The following MCTP2 variants were observed in gnomAD, a reference collection of about 807,000 sequenced individuals.
MCTP2 encodes multiple C2 and transmembrane domain containing 2, also known as multiple C2 and transmembrane domain-containing protein 2.
MCTP2 carries 132 observed loss-of-function variants against 111.6 expected under a neutral mutation model. The observed-to-expected ratio is 1.18, with a 90% CI of 1.03 to 1.37. The LOEUF is 1.37. Ranked by LOEUF, MCTP2 falls within the 40% of genes most tolerant of loss-of-function variation. The probability of loss-of-function intolerance (pLI) is 0.00; values close to 1 mark genes in which losing one functional copy is unlikely to be tolerated. For missense variants in MCTP2, 1,183 were observed against 1,067.9 expected (o/e 1.11, Z -1.50); for synonymous variants, 395 against 387.7 (o/e 1.02, Z -0.22).
Position 94,339,351 on chromosome 15 carries a change from C to G in MCTP2, c.699C>G (p.Val233=). 6.2e-7 allele frequency: 1 copy of G among 1,611,490 alleles called. No individual in the cohort carries two copies. The highest frequency in any genetic ancestry group is 8.5e-7 in the Non-Finnish European group (1 of 1,178,256). ...LNGKTLYKSK[V]IYKNLNPVWD... ...GGAAGACGCTGTACAAAAGTAAAGT[C>G]ATATATAAGAACTTGAACCCAGTAT... is the stretch of plus-strand genomic sequence containing the variant. The change falls in exon 5 of 23, where the codon GTC becomes GTG. Residue 233 remains valine, a synonymous_variant. Transcript: ENST00000357742.
chr15:94,457,413 T>A (rs2084899838), intron 19 of MCTP2, among the ~76,000 whole-genome samples: 1 of 152,230 alleles, frequency 6.6e-6, no homozygotes, highest in South Asian at 2.1e-4. Flanking sequence ...TTTAGAAAGC[T>A]GAATTCCATT....
At chr15:94,266,706 T>G (rs1234139424) in intron 1 of MCTP2, among the ~76,000 whole-genome samples, 1 of 152,168 alleles carries the variant, frequency 6.6e-6, no homozygotes, top group Non-Finnish European at 1.5e-5. Context: ...AGAATGTGTT[T>G]CACTGAAAGG....
chr15:94,376,930 T>C (rs528325272), intron 12 of MCTP2, among the ~76,000 whole-genome samples: 1 of 152,346 alleles, frequency 6.6e-6, no homozygotes, highest in African/African-American at 2.4e-5. Context: ...TTTTTGTTGT[T>C]GTTGTTATAC....
Position 94,430,368 on chromosome 15 carries a change from A to G in MCTP2, c.2086-9808A>G, listed in dbSNP as rs183104983. 2.3e-3 allele frequency among the ~76,000 whole-genome samples: 336 copies of G among 148,438 alleles called. 2 individuals carry two copies. The highest frequency in any genetic ancestry group is 8.1e-3 in the African/African-American group (326 of 40,106). On this transcript the variant is annotated intron_variant, in intron 17 of 22. Coordinates refer to ENST00000357742, the MANE Select transcript of MCTP2 (RefSeq NM_001385001.1). ...GTCCATGCTGCCTTTTTAAAAAAAA[A>G]CAAACAAAAAAAACCCAAAAACAAT... is the stretch of plus-strand genomic sequence containing the variant.
intron 1 of MCTP2, among the ~76,000 whole-genome samples, chr15:94,236,500 C>T (rs904522153): frequency 2.8e-5 from 4 of 144,230 alleles, no homozygotes; most frequent in Admixed American, 7.3e-5. Context: ...GGTTTGCTCT[C>T]GGGTATAAAC....
intron 17 of MCTP2, among the ~76,000 whole-genome samples, chr15:94,429,548 A>G (rs771516436): frequency 5.3e-4 from 80 of 151,980 alleles, no homozygotes; most frequent in Non-Finnish European, 1.5e-4. Context: ...TACTTTATCT[A>G]TTTTCAAGAA....
At chr15:94,274,251 G>A (rs2074066334) in intron 1 of MCTP2, among the ~76,000 whole-genome samples, 3 of 152,048 alleles carry the variant, frequency 2.0e-5, no homozygotes, top group African/African-American at 7.2e-5. Context: ...TACAACTTGT[G>A]GAATGCAACT....
intron 1 of MCTP2, among the ~76,000 whole-genome samples, chr15:94,251,055 G>A (rs1404202609): frequency 6.6e-6 from 1 of 152,172 alleles, no homozygotes; most frequent in Non-Finnish European, 1.5e-5. Flanking sequence ...GATTGGCAGT[G>A]TATAAAATGT....
intron 17 of MCTP2, among the ~76,000 whole-genome samples, chr15:94,407,950 C>T (rs1416497688): frequency 6.6e-6 from 1 of 152,068 alleles, no homozygotes; most frequent in African/African-American, 2.4e-5. Flanking sequence ...TCTCTGTGGA[C>T]CGAAAAACAT....
At chr15:94,389,974 A>C (rs1259177939) in intron 14 of MCTP2, among the ~76,000 whole-genome samples, 2 of 150,788 alleles carry the variant, frequency 1.3e-5, no homozygotes, top group African/African-American at 4.9e-5. Context: ...CTTTTTAATC[A>C]AGGTGAATGT....
At chr15:94,421,939 A>G (rs2082647307) in intron 17 of MCTP2, among the ~76,000 whole-genome samples, 1 of 152,144 alleles carries the variant, frequency 6.6e-6, no homozygotes, top group Non-Finnish European at 1.5e-5. Flanking sequence ...TTCCTGAAGG[A>G]TAAGGATTTC....
In MCTP2 at chr15:94,245,486, A is replaced by G. The variant is rs538599663; in HGVS notation, c.-66+13822A>G. 1.2e-4 allele frequency among the ~76,000 whole-genome samples: 17 copies of G among 141,014 alleles called. No individual in the cohort carries two copies. In the South Asian group the frequency reaches 1.8e-3, roughly 15 times the overall value. 92.5% of individuals were successfully genotyped at this position (141,014 alleles called of 152,430 possible). On this transcript the variant is annotated intron_variant, in intron 1 of 22. Transcript: ENST00000357742. ...TATATACATATATGTATATATACATACATGTATGTATTTATATATGTATAC... is the reference window on the plus strand; with the variant it reads ...TATATACATATATGTATATATACATGCATGTATGTATTTATATATGTATAC...
At chr15:94,466,693 TATTTGGCAGA>T (rs987283005) in intron 20 of MCTP2, among the ~76,000 whole-genome samples, 105 of 152,248 alleles carry the variant, frequency 6.9e-4, no homozygotes, top group African/African-American at 2.4e-3. Flanking sequence ...AGAATCCCAA[TATTTGGCAGA>T]AAATATTAGA....
intron 17 of MCTP2, among the ~76,000 whole-genome samples, chr15:94,429,135 AC>A (rs1441821262): frequency 6.8e-6 from 1 of 148,114 alleles, no homozygotes; most frequent in Admixed American, 6.7e-5. Context: ...CTATCCCCCT[AC>A]CGACGTCTAT....
chr15:94,378,840 C>A (rs996909294), intron 12 of MCTP2, among the ~76,000 whole-genome samples: 6 of 152,132 alleles, frequency 3.9e-5, no homozygotes, highest in African/African-American at 1.4e-4. Flanking sequence ...GAACAGAGAT[C>A]AACATTTCAT....
chr15:94,428,246 C>G lies in MCTP2; in HGVS notation c.2086-11930C>G, dbSNP rs554869721. Among the ~76,000 whole-genome samples, 100 of 152,262 alleles carry G rather than the reference C, an allele frequency of 6.6e-4. 1 individual carries two copies. The highest frequency in any genetic ancestry group is 4.8e-3 in the South Asian group (23 of 4,822). ...TTTCTGAAAATGTCTCTGCTTCACT[C>G]TCCTTTAAAGATAATTTGTGACATA... On this transcript the variant is annotated intron_variant, in intron 17 of 22. Coordinates refer to ENST00000357742, the MANE Select transcript of MCTP2 (RefSeq NM_001385001.1).
chr15:94,446,819 T>A (rs1294662992), intron 19 of MCTP2, among the ~76,000 whole-genome samples: 1 of 152,206 alleles, frequency 6.6e-6, no homozygotes, highest in Non-Finnish European at 1.5e-5. Context: ...ATCTGTCCTT[T>A]TAGCATCTTC....
At chr15:94,384,859 A>T (rs2080365869) in intron 13 of MCTP2, among the ~76,000 whole-genome samples, 1 of 152,170 alleles carries the variant, frequency 6.6e-6, no homozygotes, top group Admixed American at 6.5e-5. Flanking sequence ...CAGATATAAG[A>T]GTCTCTTGTT....
At chr15:94,434,226 C>A (rs527572487) in intron 17 of MCTP2, among the ~76,000 whole-genome samples, 1 of 151,918 alleles carries the variant, frequency 6.6e-6, no homozygotes, top group Non-Finnish European at 1.5e-5. Context: ...CTCAGCCTCC[C>A]AAGTAGCTGA....
Sources: gnomAD v4.1 joint callset for allele counts (sites outside exome capture counted in the v4.1 genomes callset) on GRCh38, gnomAD v4.1.1 for gene constraint, MANE v1.5 for transcripts, NCBI Gene and HGNC (gene_info 2026-07-23, HGNC 2026-07-21) for gene names.